EIF4E2: variants seen among roughly 807,000 people sequenced by gnomAD.
EIF4E2 encodes the protein eukaryotic translation initiation factor 4E type 2.
A neutral mutation model predicts 34.2 loss-of-function variants in EIF4E2; 13 were observed. The ratio of observed to expected loss-of-function variants is 0.38; its 90% CI spans 0.25 to 0.60. The LOEUF is 0.60. Ranked by LOEUF, EIF4E2 falls within the 20% of genes least tolerant of loss-of-function variation. The pLI is 0.62. For synonymous variants in EIF4E2, 100 were observed against 106.6 expected, an observed-to-expected ratio of 0.94 and a Z score of 0.38; for missense variants, 222 against 315.1, an observed-to-expected ratio of 0.70 and a Z score of 2.24.
intron 3 of EIF4E2, among the ~76,000 whole-genome samples, chr2:232,563,127 C>T (rs1692780888): frequency 6.6e-6 from 1 of 152,186 alleles, no homozygotes; most frequent in African/African-American, 2.4e-5. Flanking sequence ...TGATTTAGAG[C>T]CTGCTCAGCA....
intron 6 of EIF4E2, among the ~76,000 whole-genome samples, chr2:232,575,507 G>A (rs966469213): frequency 1.3e-5 from 2 of 152,188 alleles, no homozygotes; most frequent in Non-Finnish European, 2.9e-5. Flanking sequence ...CACGCCTATT[G>A]TCCCAGCTAC....
At chr2:232,552,600 A>G (rs1692382338) in intron 1 of EIF4E2, among the ~76,000 whole-genome samples, 1 of 152,190 alleles carries the variant, frequency 6.6e-6, no homozygotes, top group Non-Finnish European at 1.5e-5. Context: ...AGGTTAACTA[A>G]TTCCCGACAC....
rs776010377 is a variant in EIF4E2, at chr2:232,567,053, A to G, written c.529-25A>G. The G allele has an allele frequency of 2.5e-6, 4 of 1,609,044 alleles. No homozygotes were observed. In the East Asian group the frequency reaches 8.9e-5, roughly 36 times the overall value. ...TCCTCGCTGCCCCTGATTTGCTTTG[A>G]TGATTCCTTCTGTTCCTCTGGTAGG... On this transcript the variant is annotated intron_variant, in intron 5 of 6. Transcript: ENST00000258416.
chr2:232,574,390 C>A, intron 6 of EIF4E2: 1 of 1,527,096 alleles, frequency 6.5e-7, no homozygotes, highest in Non-Finnish European at 8.9e-7. Flanking sequence ...ACCTCTCATC[C>A]ATAGGACCCC....
In EIF4E2 at chr2:232,569,084, G is replaced by T. The variant is rs141449489; in HGVS notation, c.*67G>T. ...CATCGGAGTCTCTTGTTCTGTTGGC[G>T]TGCTACCTGGAAGATCCTTCTGTCC... On this transcript the variant is annotated 3_prime_UTR_variant, in exon 7 of 7. Coordinates refer to ENST00000258416, the MANE Select transcript of EIF4E2 (RefSeq NM_004846.4). 1.7e-5 allele frequency: 27 copies of T among 1,586,976 alleles called. No homozygotes were observed. In the Admixed American group the frequency reaches 3.1e-4, roughly 18 times the overall value.
intron 3 of EIF4E2, among the ~76,000 whole-genome samples, chr2:232,560,949 C>T (rs1692702038): frequency 6.6e-6 from 1 of 152,168 alleles, no homozygotes; most frequent in Non-Finnish European, 1.5e-5. Context: ...CTCTAGTAGG[C>T]TTCTAAAAGG....
downstream of EIF4E2, chr2:232,569,254 GC>G (rs1197476481): frequency 5.7e-5 from 77 of 1,361,656 alleles, no homozygotes; most frequent in Non-Finnish European, 6.6e-5. Context: ...CAAAGATGTG[GC>G]CTTTCGGACT....
downstream of EIF4E2, among the ~76,000 whole-genome samples, chr2:232,572,565 C>T (rs1407493718): frequency 6.6e-6 from 1 of 152,068 alleles, no homozygotes. Flanking sequence ...CGGGGTTTCA[C>T]CATGTTTGCC....
rs541596962 is a variant in EIF4E2, at chr2:232,581,024, C to G, written c.*81C>G. On this transcript the variant is annotated 3_prime_UTR_variant, in exon 7 of 7. Transcript: ENST00000409098. The surrounding 1 kb of genome is among the most constrained non-coding windows in gnomAD (Gnocchi z 5.2). ...ATGGGAGGCCTCCAGCCAGTCCTTC[C>G]ATTGCTCACTGAAGGGACGTCCCTG... 2.2e-6 allele frequency: 3 copies of G among 1,387,968 alleles called. No homozygotes were observed. The African/African-American group carries it at 4.3e-5, about 20-fold the overall frequency. 86.0% of individuals were successfully genotyped at this position (1,387,968 alleles called of 1,614,324 possible). A position where few individuals can be genotyped will look rare whatever the true frequency, so the allele number is the denominator to read the frequency against.
chr2:232,579,340 A>C (rs551821396), intron 6 of EIF4E2, among the ~76,000 whole-genome samples: 1 of 152,346 alleles, frequency 6.6e-6, no homozygotes, highest in South Asian at 2.1e-4. Flanking sequence ...TCAGCTCTTT[A>C]GTTGAAGATA....
chr2:232,558,098 T>C (rs1692588598), intron 3 of EIF4E2, 80 bp downstream of exon 3: 2 of 1,530,920 alleles, frequency 1.3e-6, no homozygotes, highest in African/African-American at 1.4e-5. Context: ...TTTACTTTCC[T>C]AGTAACCTAT....
At chr2:232,580,931 A>T (rs1559325298) in exon 7 of EIF4E2, 1 of 1,550,232 alleles carries the variant, frequency 6.5e-7, no homozygotes, top group African/African-American at 1.4e-5. Context: ...GAAATACAAA[A>T]ATCACATTGT....
At chr2:232,576,763 A>G (rs1466992846) in intron 6 of EIF4E2, among the ~76,000 whole-genome samples, 1 of 152,216 alleles carries the variant, frequency 6.6e-6, no homozygotes, top group African/African-American at 2.4e-5. Flanking sequence ...TCGAGAAGAT[A>G]TGCATCCCTG....
chr2:232,571,196 A>G (rs574249195), downstream of EIF4E2, among the ~76,000 whole-genome samples: 1 of 152,168 alleles, frequency 6.6e-6, no homozygotes, highest in Non-Finnish European at 1.5e-5. Context: ...AGTGTGCTAC[A>G]AGGCACTGCC....
In EIF4E2 at chr2:232,567,173, C is replaced by A; in HGVS notation, c.624C>A (p.Pro208=). 6.2e-7 allele frequency: 1 copy of A among 1,614,182 alleles called. No homozygotes were observed. The highest frequency in any genetic ancestry group is 8.5e-7 in the Non-Finnish European group (1 of 1,180,038). ...DTLRRVLNLP[P]NTIMEYKTHT... is the part of the protein sequence containing the mutation. ...TTCGGCGAGTGCTTAACCTACCTCC[C>A]AACACCATTATGGAATACAAAACTC... Residue 208 remains proline (P), a synonymous_variant, in exon 6 of 7, where the codon CCC becomes CCA. Coordinates refer to ENST00000258416, the MANE Select transcript of EIF4E2 (RefSeq NM_004846.4).
intron 6 of EIF4E2, among the ~76,000 whole-genome samples, chr2:232,578,626 A>G (rs1367795775): frequency 6.6e-6 from 1 of 152,122 alleles, no homozygotes; most frequent in East Asian, 1.9e-4. Context: ...CATCTCAAAA[A>G]AAAAAAAAAA....
At chr2:232,553,003 A>G (rs1692399756) in intron 1 of EIF4E2, among the ~76,000 whole-genome samples, 1 of 152,208 alleles carries the variant, frequency 6.6e-6, no homozygotes, top group African/African-American at 2.4e-5. Context: ...GACATGTTCC[A>G]GTTTGCCAGA....
chr2:232,573,396 C>T (rs149291651), downstream of EIF4E2, among the ~76,000 whole-genome samples: 496 of 152,202 alleles, frequency 3.3e-3, no homozygotes, highest in Non-Finnish European at 5.7e-3. Context: ...CAAGGAACTC[C>T]TCATTTTGGG....
intron 3 of EIF4E2, 87 bp downstream of exon 3, chr2:232,558,105 C>G (rs192523391): frequency 2.3e-4 from 347 of 1,521,614 alleles, no homozygotes; most frequent in Admixed American, 1.1e-3. Context: ...TCCTAGTAAC[C>G]TATTTAAGAT....
Sources: gnomAD v4.1 joint callset for allele counts (sites outside exome capture counted in the v4.1 genomes callset) on GRCh38, gnomAD v4.1.1 for gene constraint, Gnocchi (gnomAD v3.1) non-coding constraint, MANE v1.5 for transcripts, NCBI Gene and HGNC (gene_info 2026-07-23, HGNC 2026-07-21) for gene names.